Variants in SORBS2 observed in about 807,000 individuals in gnomAD.
SORBS2 encodes the protein sorbin and SH3 domain-containing protein 2.
In SORBS2, 46 loss-of-function variants were observed where a neutral mutation model predicts 97.7. That is an observed-to-expected ratio of 0.47 (90% CI 0.37 to 0.60). The LOEUF (loss-of-function observed/expected upper bound fraction) is 0.60, where lower values mean the gene tolerates loss of function less well. Among genes scored for constraint, SORBS2 ranks in the 20% least tolerant of loss-of-function variants. The pLI, the probability that SORBS2 is intolerant of heterozygous loss-of-function variation, is 0.00. For synonymous variants in SORBS2, 476 were observed against 473.4 expected (o/e 1.01, Z -0.07); for missense variants, 1,316 against 1,282.3 (o/e 1.03, Z -0.40).
In SORBS2 at chr4:185,849,287, C is replaced by A. The variant is rs118059800; in HGVS notation, c.-337-73921G>T. On this transcript the variant is annotated intron_variant, in intron 1 of 20. Transcript: ENST00000284776. The stretch of plus-strand genomic sequence containing the variant: ...CTACCCAGTGGAGCCACCAGAGCTT[C>A]CCCAAACCCACTGCGAATTCCGACT... 1.1e-4 allele frequency among the ~76,000 whole-genome samples: 16 copies of A among 152,296 alleles called. No individual in the cohort carries two copies. The East Asian group carries it at 3.1e-3, about 29-fold the overall frequency.
At chr4:185,663,924 G>A (rs564263858) in intron 4 of SORBS2, among the ~76,000 whole-genome samples, 136 of 138,586 alleles carry the variant, frequency 9.8e-4, no homozygotes, top group African/African-American at 3.4e-3. Flanking sequence ...GCGCAGTCTC[G>A]GCTCACTGCA....
intron 2 of SORBS2, among the ~76,000 whole-genome samples, chr4:185,748,274 A>G (rs184275061): frequency 2.0e-4 from 30 of 152,272 alleles, no homozygotes; most frequent in African/African-American, 6.5e-4. Flanking sequence ...TCGGCGTGCG[A>G]GGAGTGCAGT....
At chr4:185,827,011 G>GTCATCA (rs759596377) in intron 1 of SORBS2, among the ~76,000 whole-genome samples, 1 of 115,160 alleles carries the variant, frequency 8.7e-6, no homozygotes, top group African/African-American at 3.2e-5. Context: ...CCCTGACTAC[G>GTCATCA]TCATCATCAT....
chr4:185,765,287 T>C (rs1157179591), intron 2 of SORBS2, among the ~76,000 whole-genome samples: 1 of 152,198 alleles, frequency 6.6e-6, no homozygotes, highest in Non-Finnish European at 1.5e-5. Flanking sequence ...CCTTCCTTTC[T>C]GATTTATATG....
At chr4:185,652,612 G>A in intron 2 of SORBS2, 50 bp downstream of exon 10, 2 of 1,397,018 alleles carry the variant, frequency 1.4e-6, no homozygotes, top group Non-Finnish European at 2.0e-6. Context: ...GACGAATGTA[G>A]TCCCTTCAAC....
At chr4:185,821,709 C>G (rs551787464) in intron 1 of SORBS2, among the ~76,000 whole-genome samples, 4 of 152,328 alleles carry the variant, frequency 2.6e-5, no homozygotes, top group South Asian at 4.2e-4. Flanking sequence ...CAAGCGTGCA[C>G]CACCACACTC....
intron 2 of SORBS2, 121 bp from the exon 12 acceptor site, chr4:185,649,777 C>T: frequency 3.8e-6 from 2 of 528,090 alleles, no homozygotes; most frequent in Non-Finnish European, 6.2e-6. Flanking sequence ...TATCAATAAG[C>T]ATATTCATAA....
At chr4:185,730,215 T>C (rs192563960) in intron 2 of SORBS2, among the ~76,000 whole-genome samples, 244 of 152,042 alleles carry the variant, frequency 1.6e-3, no homozygotes, top group African/African-American at 5.6e-3. Flanking sequence ...TTTAATGATA[T>C]GGAAAAATAT....
intron 1 of SORBS2, among the ~76,000 whole-genome samples, chr4:185,906,590 T>C (rs2099250982): frequency 6.6e-6 from 1 of 152,168 alleles, no homozygotes; most frequent in South Asian, 2.1e-4. Flanking sequence ...TTCATAAACA[T>C]AGCTTAAGAA....
chr4:185,814,373 A>G (rs2099191977), intron 1 of SORBS2, among the ~76,000 whole-genome samples: 1 of 151,724 alleles, frequency 6.6e-6, no homozygotes, highest in Non-Finnish European at 1.5e-5. Context: ...AAAAAAAAAA[A>G]AATCAAACAA....
At chr4:185,740,998 C>T (rs1270573573) in intron 2 of SORBS2, among the ~76,000 whole-genome samples, 4 of 151,964 alleles carry the variant, frequency 2.6e-5, no homozygotes, top group African/African-American at 9.7e-5. Flanking sequence ...CTAACTCGGA[C>T]CAGCACCAAC....
At chr4:185,597,260 G>A (rs2096126300) in intron 12 of SORBS2, among the ~76,000 whole-genome samples, 1 of 152,170 alleles carries the variant, frequency 6.6e-6, no homozygotes, top group African/African-American at 2.4e-5. Flanking sequence ...AAATCAATGA[G>A]TTGGACAAGA....
chr4:185,735,596 T>A (rs1375662060), intron 2 of SORBS2, among the ~76,000 whole-genome samples: 2 of 152,096 alleles, frequency 1.3e-5, no homozygotes, highest in East Asian at 3.9e-4. Context: ...ATAAATAATA[T>A]CTGATGATAA....
intron 2 of SORBS2, among the ~76,000 whole-genome samples, chr4:185,753,949 T>C (rs535672360): frequency 1.3e-5 from 2 of 152,326 alleles, no homozygotes; most frequent in African/African-American, 4.8e-5. Context: ...CATTATTGGG[T>C]CTATACCTAA....
intron 4 of SORBS2, among the ~76,000 whole-genome samples, chr4:185,643,688 T>C (rs1201146898): frequency 6.6e-6 from 1 of 151,912 alleles, no homozygotes; most frequent in Non-Finnish European, 1.5e-5. Context: ...AGATGACCCT[T>C]TGGAAAAGTG....
rs2097654081 is a variant in SORBS2 at position 185,668,460 on chromosome 4, T to C, written c.-45-6218A>G. 1.3e-5 allele frequency among the ~76,000 whole-genome samples: 2 copies of C among 152,222 alleles called. 1 individual carries two copies. The highest frequency in any genetic ancestry group is 4.1e-4 in the South Asian group (2 of 4,834). ...GTGTAAGGCATGAAATGCCTCGTGG[T>C]GAGTCACATCACACTTAAATTTCTA... On this transcript the variant is annotated intron_variant, in intron 4 of 20. Coordinates refer to the SORBS2 transcript ENST00000284776.
At chr4:185,920,008 CTT>C (rs2099260224) in intron 1 of SORBS2, among the ~76,000 whole-genome samples, 1 of 152,162 alleles carries the variant, frequency 6.6e-6, no homozygotes, top group South Asian at 2.1e-4. Context: ...TATGAATAAT[CTT>C]AATATTTCCA....
exon 7 of SORBS2, chr4:185,622,988 C>A: frequency 1.2e-6 from 2 of 1,613,982 alleles, no homozygotes; most frequent in Non-Finnish European, 1.7e-6. Context: ...AGAGGCACTG[C>A]GGGGCATTCT....
At chr4:185,662,046 GT>G (rs2097530588) in intron 5 of SORBS2, 57 bp downstream of exon 8, 9 of 1,592,934 alleles carry the variant, frequency 5.6e-6, no homozygotes, top group Non-Finnish European at 7.7e-6. Context: ...TCTTTCTCCT[GT>G]GGTTGTACTT....
Sources: allele counts gnomAD v4.1 joint callset (sites outside exome capture counted in the v4.1 genomes callset), GRCh38; gene constraint gnomAD v4.1.1; transcripts MANE v1.5; gene names NCBI Gene and HGNC (gene_info 2026-07-23, HGNC 2026-07-21).